SULF1: variants seen among roughly 807,000 people sequenced by gnomAD.
The protein encoded by SULF1 is sulfatase 1, also known as extracellular sulfatase Sulf-1.
In SULF1, 46 loss-of-function variants were observed where a neutral mutation model predicts 110.5. That is an observed-to-expected ratio of 0.42 (90% CI 0.33 to 0.53). SULF1 has a LOEUF of 0.53. Ranked by LOEUF, SULF1 falls within the 20% of genes least tolerant of loss-of-function variation. The pLI, the probability that SULF1 is intolerant of heterozygous loss-of-function variation, is 0.12. For missense variants in SULF1, 941 were observed against 1,094.2 expected (o/e 0.86, Z 1.98); for synonymous variants, 371 against 387.1 (o/e 0.96, Z 0.49).
chr8:69,517,806 T>G (rs1241465730), intron 3 of SULF1, among the ~76,000 whole-genome samples: 1 of 152,250 alleles, frequency 6.6e-6, no homozygotes, highest in African/African-American at 2.4e-5. Flanking sequence ...CATTTCTGCA[T>G]CTTCCCTTTT....
At chr8:69,525,880 A>G (rs1812627004) in intron 3 of SULF1, among the ~76,000 whole-genome samples, 1 of 152,158 alleles carries the variant, frequency 6.6e-6, no homozygotes, top group Non-Finnish European at 1.5e-5. Context: ...TCCTGGTGTG[A>G]TAATCGGAGA....
intron 2 of SULF1, among the ~76,000 whole-genome samples, chr8:69,499,562 T>A (rs1168642162): frequency 6.6e-6 from 1 of 152,192 alleles, no homozygotes; most frequent in Non-Finnish European, 1.5e-5. Context: ...ATTTTGGAGC[T>A]GAGAACTGTG....
intron 3 of SULF1, among the ~76,000 whole-genome samples, chr8:69,505,157 C>T (rs1811095046): frequency 6.6e-6 from 1 of 152,078 alleles, no homozygotes; most frequent in Non-Finnish European, 1.5e-5. Flanking sequence ...TCCCTTGTTC[C>T]AAGGAGAGAT....
chr8:69,601,194 T>A (rs1807778677), intron 9 of SULF1, among the ~76,000 whole-genome samples: 1 of 152,196 alleles, frequency 6.6e-6, no homozygotes, highest in South Asian at 2.1e-4. Context: ...ACACAAAAAA[T>A]TTTATTTGAA....
chr8:69,498,984 T>C (rs1220572467), intron 2 of SULF1, among the ~76,000 whole-genome samples: 2 of 152,124 alleles, frequency 1.3e-5, no homozygotes, highest in East Asian at 3.9e-4. Context: ...TAAGCCTCCC[T>C]AGGAGCTGGG....
At chr8:69,580,479 T>C (rs1268969924) in intron 6 of SULF1, among the ~76,000 whole-genome samples, 2 of 152,200 alleles carry the variant, frequency 1.3e-5, no homozygotes, top group Non-Finnish European at 2.9e-5. Flanking sequence ...ACATTCTACC[T>C]TGATTTGTTT....
intron 21 of SULF1, among the ~76,000 whole-genome samples, chr8:69,640,133 AGG>A (rs1246409319): frequency 3.3e-5 from 5 of 149,700 alleles, no homozygotes; most frequent in African/African-American, 1.2e-4. Flanking sequence ...GGAAGGAAGA[AGG>A]AAGGAAGGAA....
At chr8:69,579,033 C>A (rs905524776) in intron 6 of SULF1, among the ~76,000 whole-genome samples, 1 of 151,650 alleles carries the variant, frequency 6.6e-6, no homozygotes, top group African/African-American at 2.4e-5. Context: ...TGGTGGCGGA[C>A]GCCTGTAGTC....
intron 1 of SULF1, among the ~76,000 whole-genome samples, chr8:69,486,219 C>T (rs890655751): frequency 1.3e-5 from 2 of 152,074 alleles, no homozygotes; most frequent in Admixed American, 6.5e-5. Flanking sequence ...AGAAACTGAA[C>T]GATACCGAGT....
At chr8:69,619,971 C>T (rs1374016319) in intron 13 of SULF1, among the ~76,000 whole-genome samples, 1 of 152,196 alleles carries the variant, frequency 6.6e-6, no homozygotes, top group Non-Finnish European at 1.5e-5. Context: ...GCCAATATGA[C>T]AGCTTTCCGT....
chr8:69,538,638 C>G (rs1266844575), intron 3 of SULF1, among the ~76,000 whole-genome samples: 3 of 152,140 alleles, frequency 2.0e-5, no homozygotes, highest in Non-Finnish European at 4.4e-5. Flanking sequence ...CATGTCAAAC[C>G]TTCCAACACT....
intron 22 of SULF1, among the ~76,000 whole-genome samples, chr8:69,655,331 A>G (rs925751361): frequency 6.6e-6 from 1 of 152,178 alleles, no homozygotes; most frequent in Admixed American, 6.5e-5. Context: ...CACTCATTTT[A>G]TGAGCCCCAG....
intron 3 of SULF1, among the ~76,000 whole-genome samples, chr8:69,536,197 T>G (rs1161846794): frequency 6.6e-6 from 1 of 152,180 alleles, no homozygotes; most frequent in Non-Finnish European, 1.5e-5. Context: ...TATTGCTGGT[T>G]AACAATACCA....
upstream of SULF1, among the ~76,000 whole-genome samples, chr8:69,490,520 T>C (rs533924912): frequency 1.3e-5 from 2 of 152,334 alleles, no homozygotes; most frequent in Non-Finnish European, 2.9e-5. Flanking sequence ...ATTTCTCCAT[T>C]TGACTCCAAC....
At chr8:69,534,181 C>T (rs145580388) in intron 3 of SULF1, among the ~76,000 whole-genome samples, 2,634 of 152,156 alleles carry the variant, frequency 0.017, 25 homozygotes, top group Middle Eastern at 0.027. Flanking sequence ...GTTTGCTTAC[C>T]GAAAATACTT....
rs141485835 is a variant in SULF1 at position 69,594,519 on chromosome 8, G to T, written c.734+5378G>T. Among the ~76,000 whole-genome samples, 87 of 152,250 alleles carry T rather than the reference G, an allele frequency of 5.7e-4. No individual in the cohort carries two copies. The East Asian group carries it at 0.01, about 18-fold the overall frequency. On this transcript the variant is annotated intron_variant, in intron 8 of 22. Transcript: ENST00000402687. ...TTGCAAGAGTTGTTGTGAGGGTAGA[G>T]CTTTTGAATAAACATAGGTTGTCAA...
chr8:69,519,196 C>T (rs1042703783), intron 3 of SULF1, among the ~76,000 whole-genome samples: 1 of 152,286 alleles, frequency 6.6e-6, no homozygotes, highest in Non-Finnish European at 1.5e-5. Context: ...CATATTCAAA[C>T]TTTGTTTCTG....
chr8:69,491,226 A>C (rs1030696305), upstream of SULF1, among the ~76,000 whole-genome samples: 2 of 152,248 alleles, frequency 1.3e-5, no homozygotes, highest in African/African-American at 4.8e-5. Context: ...CATTAAGAAC[A>C]CTTTAATACA....
chr8:69,511,587 A>G lies in SULF1; in HGVS notation c.-134+9619A>G, dbSNP rs183518580. Among the ~76,000 whole-genome samples, 161 of 152,334 alleles carry G rather than the reference A, an allele frequency of 1.1e-3. 1 individual carries two copies. The highest frequency in any genetic ancestry group is 3.4e-4 in the Non-Finnish European group (23 of 68,030). ...TTAGAGCCATTTTTGGTTCACAGTA[A>G]GATTGAGAAGAAAGTACGGAGATTT... On this transcript the variant is annotated intron_variant, in intron 3 of 22. Coordinates refer to ENST00000402687, the MANE Select transcript of SULF1 (RefSeq NM_001128205.2).
Sources: allele counts gnomAD v4.1 joint callset (sites outside exome capture counted in the v4.1 genomes callset), GRCh38; gene constraint gnomAD v4.1.1; transcripts MANE v1.5; gene names NCBI Gene and HGNC (gene_info 2026-07-23, HGNC 2026-07-21).